The following HDAC4 variants were observed in gnomAD, a reference collection of about 807,000 sequenced individuals.
The protein encoded by HDAC4 is histone deacetylase A.
In HDAC4, 16 loss-of-function variants were observed where a neutral mutation model predicts 135.1. That is an observed-to-expected ratio of 0.12 (90% CI 0.08 to 0.18). The LOEUF is 0.18. HDAC4 is among the 10% of genes least tolerant of loss of function. The pLI is 1.00. For missense variants in HDAC4, 1,143 were observed against 1,511.8 expected, an observed-to-expected ratio of 0.76 and a Z score of 4.05; for synonymous variants, 685 against 653.4, an observed-to-expected ratio of 1.05 and a Z score of -0.74.
At chr2:239,279,682 G>A (rs1474843339) in intron 2 of HDAC4, among the ~76,000 whole-genome samples, 1 of 152,168 alleles carries the variant, frequency 6.6e-6, no homozygotes. Flanking sequence ...ACAAATGAAG[G>A]TCTCCTGAGA....
At chr2:239,363,825 G>T (rs965317469) in intron 1 of HDAC4, among the ~76,000 whole-genome samples, 1 of 152,188 alleles carries the variant, frequency 6.6e-6, no homozygotes, top group Admixed American at 6.5e-5. Flanking sequence ...CATACACCCA[G>T]CAAGGGACGG....
rs894926760 is a variant in HDAC4 at position 239,400,646 on chromosome 2, G to A, written c.-220+332C>T. 5.4e-5 allele frequency: 8 copies of A among 146,898 alleles called. No individual in the cohort carries two copies. Among genetic ancestry groups the A allele is most frequent in the African/African-American group, 2.0e-4 (8 of 40,774 alleles). 9.1% of individuals were successfully genotyped at this position (146,898 alleles called of 1,614,324 possible). ...TGCAGGCTGCGCGGGGCGCGGGGCGGGCGGCGGACAATGGCCCGCGGGCGC... is the reference window on the plus strand; with the variant it reads ...TGCAGGCTGCGCGGGGCGCGGGGCGAGCGGCGGACAATGGCCCGCGGGCGC... On this transcript the variant is annotated intron_variant, in intron 1 of 26. Transcript: ENST00000543185. The surrounding 1 kb of genome is among the most constrained non-coding windows in gnomAD (Gnocchi z 4.7).
chr2:239,054,902 G>A lies in HDAC4; in HGVS notation c.3004-69C>T, dbSNP rs79344481. On this transcript the variant is annotated intron_variant, in intron 24 of 26. Transcript: ENST00000543185. ...CACACGTGCGTTAGACGGGTGTTCC[G>A]AGACTGCAACTGTTTCCTGAGCACA... The A allele has an allele frequency of 0.031, 32,393 of 1,035,786 alleles. 659 individuals are homozygous for A. The highest frequency in any genetic ancestry group is 0.037 in the Non-Finnish European group (24,511 of 653,964). 64.2% of individuals were successfully genotyped at this position (1,035,786 alleles called of 1,614,324 possible). A position where few individuals can be genotyped will look rare whatever the true frequency, so the allele number is the denominator to read the frequency against.
At chr2:239,315,026 A>G (rs1313465205) in intron 2 of HDAC4, among the ~76,000 whole-genome samples, 1 of 152,196 alleles carries the variant, frequency 6.6e-6, no homozygotes, top group Non-Finnish European at 1.5e-5. Context: ...TGCTACCCGG[A>G]GGCTTCGTCG....
intron 5 of HDAC4, 60 bp from the exon 6 acceptor site, chr2:239,163,983 C>A (rs1433494291): frequency 6.2e-7 from 1 of 1,603,674 alleles, no homozygotes; most frequent in Non-Finnish European, 8.5e-7. Context: ...AGCAGCAATG[C>A]AGGGCAGCGG....
At chr2:239,091,164 T>C (rs1207489711) in intron 17 of HDAC4, 1 of 152,284 alleles carries the variant, frequency 6.6e-6, no homozygotes, top group East Asian at 1.9e-4. Context: ...AGAAATTTCT[T>C]ACAGCCCTGG....
intron 3 of HDAC4, among the ~76,000 whole-genome samples, chr2:239,220,325 T>TAG (rs1413240875): frequency 6.6e-6 from 1 of 152,204 alleles, no homozygotes; most frequent in East Asian, 1.9e-4. Flanking sequence ...GAACAATGAA[T>TAG]AGCTGCCTAC....
rs772026157 is a variant in HDAC4, at chr2:239,053,061, A to G, written c.*36T>C. On this transcript the variant is annotated 3_prime_UTR_variant, in exon 27 of 27. Transcript: ENST00000543185. The stretch of plus-strand genomic sequence containing the variant: ...TTCTTGGCTGAGCTTCAAGACAGAG[A>G]CAGACAGACAAGAGAACAGCAGCTT... 2 of 1,612,098 alleles carry G rather than the reference A, an allele frequency of 1.2e-6. No homozygotes were observed. The highest frequency in any genetic ancestry group is 1.7e-6 in the Non-Finnish European group (2 of 1,178,474).
intron 1 of HDAC4, among the ~76,000 whole-genome samples, chr2:239,381,030 C>T (rs1196865368): frequency 2.0e-5 from 3 of 152,174 alleles, no homozygotes; most frequent in African/African-American, 4.8e-5. Context: ...GCATCCCACA[C>T]ACAACACACA....
chr2:239,327,858 T>A lies in HDAC4; in HGVS notation c.22+24820A>T, dbSNP rs867748158. ...CTGGCCCACACTGCTCCCTGCAAGC[T>A]AACATCCAGCAGAGGCCCCTGGACA... On this transcript the variant is annotated intron_variant, in intron 2 of 26. Coordinates refer to ENST00000543185, the MANE Select transcript of HDAC4 (RefSeq NM_001378414.1). Among the ~76,000 whole-genome samples the A allele has an allele frequency of 7.9e-5, 12 of 152,326 alleles. 1 individual carries two copies. The South Asian group carries it at 2.5e-3, about 32-fold the overall frequency.
At chr2:239,119,508 CG>C (rs2039441433) in intron 12 of HDAC4, among the ~76,000 whole-genome samples, 1 of 151,024 alleles carries the variant, frequency 6.6e-6, no homozygotes, top group African/African-American at 2.4e-5. Flanking sequence ...GCTGAGGGCG[CG>C]GGGACCAGAG....
intron 1 of HDAC4, among the ~76,000 whole-genome samples, chr2:239,362,484 G>A (rs1311878396): frequency 6.6e-6 from 1 of 152,152 alleles, no homozygotes; most frequent in Non-Finnish European, 1.5e-5. Context: ...ATCTTACCAA[G>A]CTACCACAAA....
chr2:239,284,321 CGGGCCAGGGAGT>C (rs1174803199), intron 2 of HDAC4, among the ~76,000 whole-genome samples: 2 of 152,178 alleles, frequency 1.3e-5, no homozygotes, highest in Non-Finnish European at 2.9e-5. Context: ...ACAGAGGGAG[CGGGCCAGGGAGT>C]GGGCAGAGTG....
At chr2:239,334,140 A>G (rs1691765112) in intron 2 of HDAC4, among the ~76,000 whole-genome samples, 1 of 152,254 alleles carries the variant, frequency 6.6e-6, no homozygotes, top group African/African-American at 2.4e-5. Flanking sequence ...CAAATATACA[A>G]AAATGAATTG....
intron 2 of HDAC4, among the ~76,000 whole-genome samples, chr2:239,335,226 T>C (rs1232455634): frequency 6.6e-6 from 1 of 151,908 alleles, no homozygotes; most frequent in Admixed American, 6.6e-5. Flanking sequence ...CAAAAACAGA[T>C]CCATTTATAT....
chr2:239,136,631 G>A (rs545212854), intron 9 of HDAC4, among the ~76,000 whole-genome samples: 1 of 152,322 alleles, frequency 6.6e-6, no homozygotes, highest in South Asian at 2.1e-4. Flanking sequence ...ACATGTGCAA[G>A]CCATTCATCC....
chr2:239,312,436 A>G (rs960652334), intron 2 of HDAC4, among the ~76,000 whole-genome samples: 1 of 152,162 alleles, frequency 6.6e-6, no homozygotes, highest in Admixed American at 6.5e-5. Flanking sequence ...CAGGGCACGC[A>G]CGCACGTAGT....
At position 239,245,932 on chromosome 2, in the gene HDAC4, C is replaced by G. The variant is rs1447667345; in HGVS notation, c.23-9268G>C. Among the ~76,000 whole-genome samples the G allele has an allele frequency of 6.6e-6, 1 of 152,160 alleles. No individual in the cohort carries two copies. The highest frequency in any genetic ancestry group is 2.4e-5 in the African/African-American group (1 of 41,428). ...AGCTCAGCGAGCAGGCCCTGAGCGT[C>G]TGGGAACGTGAGAGTGAGCAACGCA... On this transcript the variant is annotated intron_variant, in intron 2 of 26. Coordinates refer to ENST00000543185, the MANE Select transcript of HDAC4 (RefSeq NM_001378414.1). This position sits in a 1 kb window ranked among gnomAD's most constrained non-coding sequence, Gnocchi z 4.4.
chr2:239,142,677 G>T (rs1391407827), intron 8 of HDAC4, among the ~76,000 whole-genome samples: 2 of 151,878 alleles, frequency 1.3e-5, no homozygotes, highest in Non-Finnish European at 2.9e-5. Context: ...GCTCCTGGGT[G>T]AGCTCGGCAC....
Sources: gnomAD v4.1 joint callset for allele counts (sites outside exome capture counted in the v4.1 genomes callset) on GRCh38, gnomAD v4.1.1 for gene constraint, Gnocchi (gnomAD v3.1) non-coding constraint, MANE v1.5 for transcripts, NCBI Gene and HGNC (gene_info 2026-07-23, HGNC 2026-07-21) for gene names.